Variants in CSNK1G2 observed in about 807,000 individuals in gnomAD.
The protein encoded by CSNK1G2 is casein kinase 1 gamma 2, also known as casein kinase I isoform gamma-2.
A neutral mutation model predicts 48.0 loss-of-function variants in CSNK1G2; 11 were observed. The ratio of observed to expected loss-of-function variants is 0.23; its 90% CI spans 0.14 to 0.38. The LOEUF (loss-of-function observed/expected upper bound fraction) is 0.38. CSNK1G2 is among the 10% of genes least tolerant of loss of function. The probability of loss-of-function intolerance (pLI) is 1.00; values close to 1 mark genes in which losing one functional copy is unlikely to be tolerated. For missense variants in CSNK1G2, 446 were observed against 595.5 expected (o/e 0.75, Z 2.61); for synonymous variants, 337 against 254.1 (o/e 1.33, Z -3.10).
intron 6 of CSNK1G2, 25 bp from the exon 7 acceptor site, chr19:1,979,138 T>TGAGGCTGCGCCCCTGTCCCCGCA: frequency 6.5e-7 from 1 of 1,547,246 alleles, no homozygotes; most frequent in South Asian, 1.2e-5. Context: ...CGGACCCCGC[T>TGAGGCTGCGCCCCTGTCCCCGCA]GAGGCTGCGC....
intron 1 of CSNK1G2, among the ~76,000 whole-genome samples, chr19:1,942,773 G>T (rs529818781): frequency 1.3e-5 from 2 of 152,320 alleles, no homozygotes; most frequent in East Asian, 3.9e-4. Flanking sequence ...CCTCTGTGCA[G>T]AGGAAAGACT....
chr19:1,970,159 G>A (rs921411474), intron 2 of CSNK1G2, among the ~76,000 whole-genome samples, 200 bp downstream of exon 2: 1 of 152,240 alleles, frequency 6.6e-6, no homozygotes, highest in Non-Finnish European at 1.5e-5. Context: ...TGGGGAGAGT[G>A]GGTTTCTGGC....
At chr19:1,946,035 G>C (rs1241487454) in intron 1 of CSNK1G2, among the ~76,000 whole-genome samples, 2 of 152,138 alleles carry the variant, frequency 1.3e-5, no homozygotes, top group Non-Finnish European at 2.9e-5. Flanking sequence ...TGTTACGGCA[G>C]ATTCCATCTA....
intron 1 of CSNK1G2, among the ~76,000 whole-genome samples, chr19:1,950,002 G>T (rs1460487340): frequency 6.6e-6 from 1 of 152,256 alleles, no homozygotes; most frequent in Middle Eastern, 3.2e-3. Context: ...GCCACAGCGA[G>T]TTCAGAGGCC....
chr19:1,979,437 C>T (rs760503792), intron 8 of CSNK1G2, 34 bp downstream of exon 8: 1 of 1,221,270 alleles, frequency 8.2e-7, no homozygotes, highest in South Asian at 1.4e-5. Context: ...CCTGTGCCCC[C>T]CACCCCCCAC....
chr19:1,950,330 G>T (rs552405509), intron 1 of CSNK1G2, among the ~76,000 whole-genome samples: 3 of 147,210 alleles, frequency 2.0e-5, no homozygotes, highest in African/African-American at 7.7e-5. Context: ...TAGTAGAGAC[G>T]GGGTTTCACT....
At chr19:1,974,971 C>G in intron 2 of CSNK1G2, 1 of 740,360 alleles carries the variant, frequency 1.4e-6, no homozygotes, top group Non-Finnish European at 1.6e-6. Context: ...GCTTTCAGAG[C>G]CCAGAGCGCC....
At chr19:1,963,677 T>G (rs1395021032) in intron 1 of CSNK1G2, among the ~76,000 whole-genome samples, 1 of 151,526 alleles carries the variant, frequency 6.6e-6, no homozygotes, top group Non-Finnish European at 1.5e-5. Context: ...CTAGCTAATT[T>G]TTGTATTTTT....
chr19:1,963,406 G>A (rs992627493), intron 1 of CSNK1G2, among the ~76,000 whole-genome samples: 2 of 151,220 alleles, frequency 1.3e-5, no homozygotes, highest in African/African-American at 2.4e-5. Flanking sequence ...TAGAGACAGG[G>A]TTTCACCGTG....
intron 1 of CSNK1G2, among the ~76,000 whole-genome samples, chr19:1,967,424 A>C (rs1253560165): frequency 6.6e-6 from 1 of 152,062 alleles, no homozygotes; most frequent in Non-Finnish European, 1.5e-5. Flanking sequence ...TTCTTCAGTG[A>C]GGGTGGGGCT....
At chr19:1,967,754 G>GT (rs1568196228) in intron 1 of CSNK1G2, among the ~76,000 whole-genome samples, 4 of 70,534 alleles carry the variant, frequency 5.7e-5, no homozygotes, top group African/African-American at 3.4e-4. Context: ...TCCCCAGGCT[G>GT]CCCCCGACCA....
chr19:1,967,601 C>T (rs374799540), intron 1 of CSNK1G2, among the ~76,000 whole-genome samples: 10 of 152,150 alleles, frequency 6.6e-5, no homozygotes, highest in South Asian at 2.1e-4. Flanking sequence ...GTGACAGCCG[C>T]GTCCCTGGGG....
At chr19:1,975,249 G>A (rs879832237) in intron 2 of CSNK1G2, 13 of 985,382 alleles carry the variant, frequency 1.3e-5, no homozygotes, top group Middle Eastern at 5.2e-4. Flanking sequence ...TGCCCGTCAG[G>A]GAGCCACAGC....
chr19:1,978,426 G>T lies in CSNK1G2; in HGVS notation c.229-16G>T. Reference sequence around the variant, plus strand: ...CAGCGACCCGGTCCCCTGGTGACTCGCTCTTGTGCCCCCAGGAGCCGATCA... The same window carrying T: ...CAGCGACCCGGTCCCCTGGTGACTCTCTCTTGTGCCCCCAGGAGCCGATCA... On this transcript the variant is annotated splice_polypyrimidine_tract_variant and intron_variant, in intron 3 of 11. Coordinates refer to ENST00000255641, the MANE Select transcript of CSNK1G2 (RefSeq NM_001319.7). The surrounding 1 kb of genome is among the most constrained non-coding windows in gnomAD (Gnocchi z 7.3). 6.2e-7 allele frequency: 1 copy of T among 1,611,082 alleles called. No homozygotes were observed.
intron 1 of CSNK1G2, among the ~76,000 whole-genome samples, chr19:1,960,206 G>A (rs538042570): frequency 3.9e-5 from 6 of 152,324 alleles, no homozygotes; most frequent in African/African-American, 7.2e-5. Context: ...AGGTACATCC[G>A]GGACCTGGGG....
rs2015053223 is a variant in CSNK1G2 at position 1,957,871 on chromosome 19, G to GCGGGCACTGTGTGTGTGGCA, written c.-265-11633_-265-11614dup. Among the ~76,000 whole-genome samples, 4 of 152,094 alleles carry GCGGGCACTGTGTGTGTGGCA rather than the reference G, an allele frequency of 2.6e-5. No homozygotes were observed. Among genetic ancestry groups the GCGGGCACTGTGTGTGTGGCA allele is most frequent in the Admixed American group, 2.6e-4 (4 of 15,286 alleles). On this transcript the variant is annotated intron_variant, in intron 1 of 11. Transcript: ENST00000255641. The surrounding 1 kb of genome is among the most constrained non-coding windows in gnomAD (Gnocchi z 5.4). ...GCCGTTTATGTGGGGTGGGCGCTCG[G>GCGGGCACTGTGTGTGTGGCA]CGGGCACTGTGTGTGTGGCACGGCC...
At chr19:1,975,342 T>C (rs1350180832) in intron 2 of CSNK1G2, 1 of 985,450 alleles carries the variant, frequency 1.0e-6, no homozygotes, top group Non-Finnish European at 1.2e-6. Flanking sequence ...GGAGCGCAGC[T>C]CAGTGCTTGG....
Position 1,946,512 on chromosome 19 carries a change from C to T in CSNK1G2, c.-266+5094C>T, listed in dbSNP as rs1053568841. Reference sequence around the variant, plus strand: ...TTCACCGTGTTAGCCAGGATGGTCTCGATCTCCTGACCTCGTGATCTGCCC... The same window carrying T: ...TTCACCGTGTTAGCCAGGATGGTCTTGATCTCCTGACCTCGTGATCTGCCC... On this transcript the variant is annotated intron_variant, in intron 1 of 11. Transcript: ENST00000255641. Among the ~76,000 whole-genome samples, 23 of 150,992 alleles carry T rather than the reference C, an allele frequency of 1.5e-4. No individual in the cohort carries two copies. The East Asian group carries it at 2.7e-3, about 18-fold the overall frequency.
intron 1 of CSNK1G2, among the ~76,000 whole-genome samples, chr19:1,948,477 C>T (rs2083226): frequency 0.78 from 114,051 of 147,046 alleles, 44,618 homozygotes; most frequent in Non-Finnish European, 0.83. Flanking sequence ...GAGCTGAGAC[C>T]GCGCCATTGC....
Sources: allele counts gnomAD v4.1 joint callset (sites outside exome capture counted in the v4.1 genomes callset), GRCh38; gene constraint gnomAD v4.1.1; non-coding constraint Gnocchi (gnomAD v3.1); transcripts MANE v1.5; gene names NCBI Gene and HGNC (gene_info 2026-07-23, HGNC 2026-07-21).